Variants in RFX8 observed in about 807,000 individuals in gnomAD.
RFX8 encodes the protein regulatory factor X8.
RFX8 carries 46 observed loss-of-function variants against 54.6 expected under a neutral mutation model. That is an observed-to-expected ratio of 0.84 (90% CI 0.67 to 1.08). The LOEUF is 1.08. RFX8 is among the 50% of genes least tolerant of loss of function. The pLI is 0.00. For missense variants in RFX8, 536 were observed against 562.3 expected (o/e 0.95, Z 0.47); for synonymous variants, 192 against 209.5 (o/e 0.92, Z 0.72).
chr2:101,424,246 A>G (rs973152808), intron 2 of RFX8, among the ~76,000 whole-genome samples: 1 of 152,204 alleles, frequency 6.6e-6, no homozygotes, highest in Non-Finnish European at 1.5e-5. Flanking sequence ...ACATTTATGC[A>G]GCCAACAGAC....
rs370585282 is a variant in RFX8, at chr2:101,470,680, G to C, written c.-52-3780C>G. Among the ~76,000 whole-genome samples the C allele has an allele frequency of 1.2e-4, 18 of 146,946 alleles. No individual in the cohort carries two copies. The East Asian group carries it at 2.3e-3, about 19-fold the overall frequency. ...ACTGACCTCAGAGCACAAATACTTA[G>C]CCAGTGCTTCACACGTTTTCTGAGT... On this transcript the variant is annotated intron_variant, in intron 1 of 11. Coordinates refer to ENST00000428343, the MANE Select transcript of RFX8 (RefSeq NM_001145664.2).
chr2:101,454,041 C>T (rs1210265242), intron 2 of RFX8, among the ~76,000 whole-genome samples: 1 of 152,082 alleles, frequency 6.6e-6, no homozygotes, highest in Non-Finnish European at 1.5e-5. Flanking sequence ...AATGCTATCA[C>T]TGCCCCAGCC....
intron 2 of RFX8, among the ~76,000 whole-genome samples, chr2:101,452,737 C>A (rs567880034): frequency 4.0e-5 from 6 of 151,296 alleles, no homozygotes. Context: ...TGAGGCAGGC[C>A]AATCACTTGA....
chr2:101,415,031 C>T, intron 6 of RFX8, 119 bp from the exon 7 acceptor site: 1 of 692,200 alleles, frequency 1.4e-6, no homozygotes, highest in Non-Finnish European at 2.5e-6. Flanking sequence ...CTGCAACTTC[C>T]CCCACCCCCG....
intron 2 of RFX8, among the ~76,000 whole-genome samples, chr2:101,435,872 A>C (rs1687755689): frequency 1.3e-5 from 2 of 152,184 alleles, no homozygotes; most frequent in African/African-American, 4.8e-5. Context: ...TTTAAAAATC[A>C]AACCTTGGTC....
At chr2:101,458,792 C>A (rs532684164) in intron 2 of RFX8, among the ~76,000 whole-genome samples, 9 of 152,274 alleles carry the variant, frequency 5.9e-5, no homozygotes, top group Admixed American at 3.9e-4. Flanking sequence ...TGGATAATAT[C>A]CTGAAGAGTG....
At chr2:101,440,583 G>C (rs1688043993) in intron 2 of RFX8, among the ~76,000 whole-genome samples, 1 of 152,130 alleles carries the variant, frequency 6.6e-6, no homozygotes, top group Admixed American at 6.6e-5. Flanking sequence ...ATGGGGGAGG[G>C]GAGAGCACAC....
At chr2:101,471,780 G>C (rs1213984213) in intron 1 of RFX8, among the ~76,000 whole-genome samples, 2 of 152,218 alleles carry the variant, frequency 1.3e-5, no homozygotes, top group Non-Finnish European at 2.9e-5. Context: ...CCTTTCTCCT[G>C]GGAGAATTTA....
chr2:101,424,502 T>C (rs563739225), intron 2 of RFX8, among the ~76,000 whole-genome samples: 22 of 152,276 alleles, frequency 1.4e-4, no homozygotes, highest in Admixed American at 6.5e-4. Flanking sequence ...TTTGACCCAG[T>C]GATCCCATTA....
intron 2 of RFX8, among the ~76,000 whole-genome samples, chr2:101,428,386 C>T (rs995696330): frequency 6.6e-6 from 1 of 152,210 alleles, no homozygotes; most frequent in Admixed American, 6.5e-5. Context: ...ACGTGAGACA[C>T]GATGAGGAGT....
chr2:101,471,675 C>T (rs1690004842), intron 1 of RFX8, among the ~76,000 whole-genome samples: 1 of 152,190 alleles, frequency 6.6e-6, no homozygotes, highest in East Asian at 1.9e-4. Flanking sequence ...AGAGCTTTAA[C>T]CCCACCTCTC....
At chr2:101,400,539 C>T (rs897354272) in intron 11 of RFX8, among the ~76,000 whole-genome samples, 19 of 152,210 alleles carry the variant, frequency 1.2e-4, no homozygotes, top group African/African-American at 4.6e-4. Flanking sequence ...CACCCTGTCC[C>T]TTCTGTACTC....
At chr2:101,410,877 G>T (rs923854309) in intron 8 of RFX8, among the ~76,000 whole-genome samples, 164 bp from the exon 9 acceptor site, 1 of 152,178 alleles carries the variant, frequency 6.6e-6, no homozygotes, top group African/African-American at 2.4e-5. Context: ...TCCTGAGGCT[G>T]GCTTTGTCAC....
In RFX8 at chr2:101,405,920, T is replaced by C. The variant is rs1457042019; in HGVS notation, c.928+23A>G. 2.2e-6 allele frequency: 3 copies of C among 1,389,962 alleles called. No individual in the cohort carries two copies. In the Admixed American group the frequency reaches 7.0e-5, roughly 32 times the overall value. 86.1% of individuals were successfully genotyped at this position (1,389,962 alleles called of 1,614,324 possible). On this transcript the variant is annotated intron_variant, in intron 10 of 11. Transcript: ENST00000428343. Reference sequence around the variant, plus strand: ...CATTTTTAAAAGGTAGAATACAAAATACTTTCTTATTCTCTGACTTACCAA... The same window carrying C: ...CATTTTTAAAAGGTAGAATACAAAACACTTTCTTATTCTCTGACTTACCAA...
At chr2:101,467,309 G>A (rs901466383) in intron 1 of RFX8, among the ~76,000 whole-genome samples, 5 of 152,138 alleles carry the variant, frequency 3.3e-5, no homozygotes, top group African/African-American at 1.2e-4. Context: ...ACAATACCCA[G>A]GTAAGTCCTA....
intron 2 of RFX8, among the ~76,000 whole-genome samples, chr2:101,460,486 G>C (rs958351005): frequency 2.6e-5 from 4 of 152,102 alleles, no homozygotes; most frequent in Non-Finnish European, 5.9e-5. Flanking sequence ...CTTTGTTAGA[G>C]AGCCATGACA....
chr2:101,466,391 A>C (rs1442565798), intron 2 of RFX8, among the ~76,000 whole-genome samples: 1 of 152,190 alleles, frequency 6.6e-6, no homozygotes, highest in African/African-American at 2.4e-5. Flanking sequence ...AATTGTGAGA[A>C]ACATCAGTTG....
intron 9 of RFX8, among the ~76,000 whole-genome samples, chr2:101,409,515 C>T (rs1685962159): frequency 6.6e-6 from 1 of 151,296 alleles, no homozygotes; most frequent in Admixed American, 6.6e-5. Context: ...AGTGAGCCAC[C>T]ATGCCCGGCC....
chr2:101,450,042 G>C (rs1191686521), intron 2 of RFX8, among the ~76,000 whole-genome samples: 2 of 152,170 alleles, frequency 1.3e-5, no homozygotes, highest in East Asian at 3.9e-4. Flanking sequence ...AAATGTCTAA[G>C]GAAATGAACC....
Sources: allele counts gnomAD v4.1 joint callset (sites outside exome capture counted in the v4.1 genomes callset), GRCh38; gene constraint gnomAD v4.1.1; transcripts MANE v1.5; gene names NCBI Gene and HGNC (gene_info 2026-07-23, HGNC 2026-07-21).